PCDH15: variants seen among roughly 807,000 people sequenced by gnomAD.
PCDH15 encodes protocadherin related 15.
PCDH15 carries 129 observed loss-of-function variants against 178.5 expected under a neutral mutation model. The observed-to-expected ratio is 0.72, with a 90% CI of 0.63 to 0.84. The LOEUF (loss-of-function observed/expected upper bound fraction) is 0.84. Ranked by LOEUF, PCDH15 falls within the 40% of genes least tolerant of loss-of-function variation. The probability of loss-of-function intolerance (pLI) is 0.00; values close to 1 mark genes in which losing one functional copy is unlikely to be tolerated. For missense variants in PCDH15, 2,230 were observed against 2,099.9 expected (o/e 1.06, Z -1.21); for synonymous variants, 800 against 732.0 (o/e 1.09, Z -1.50).
At chr10:54,120,849 T>G (rs1590609872) in intron 15 of PCDH15, among the ~76,000 whole-genome samples, 1 of 151,890 alleles carries the variant, frequency 6.6e-6, no homozygotes, top group African/African-American at 2.4e-5. Flanking sequence ...GTGAGGGAGA[T>G]CAAGACCCCA....
intron 2 of PCDH15, among the ~76,000 whole-genome samples, chr10:55,098,515 T>G (rs1018398372): frequency 6.6e-6 from 1 of 152,086 alleles, no homozygotes; most frequent in Non-Finnish European, 1.5e-5. Flanking sequence ...TCAGCAGTTG[T>G]GCCAATAGGA....
chr10:55,185,894 A>G (rs1034819867), intron 1 of PCDH15, among the ~76,000 whole-genome samples: 3 of 151,818 alleles, frequency 2.0e-5, no homozygotes, highest in African/African-American at 7.2e-5. Context: ...TATACATTTG[A>G]ATATTTACAT....
At chr10:54,429,921 A>T (rs911575811) in intron 3 of PCDH15, among the ~76,000 whole-genome samples, 3 of 152,168 alleles carry the variant, frequency 2.0e-5, no homozygotes, top group Non-Finnish European at 4.4e-5. Flanking sequence ...TCTGCATTGG[A>T]CAGATCTAAG....
chr10:55,431,316 T>C (rs1291475188), intron 2 of PCDH15, among the ~76,000 whole-genome samples: 1 of 152,168 alleles, frequency 6.6e-6, no homozygotes, highest in African/African-American at 2.4e-5. Flanking sequence ...TTTTAATGTA[T>C]GGAATTGCAA....
chr10:54,942,129 C>G (rs191522576), intron 2 of PCDH15, among the ~76,000 whole-genome samples: 43 of 152,200 alleles, frequency 2.8e-4, no homozygotes, highest in African/African-American at 9.1e-4. Context: ...TGACTGTGCT[C>G]TTCGGTCTAC....
intron 3 of PCDH15, among the ~76,000 whole-genome samples, chr10:54,845,212 C>T (rs1953487710): frequency 6.6e-6 from 1 of 151,336 alleles, no homozygotes; most frequent in South Asian, 2.1e-4. Context: ...TGATGTTTAA[C>T]TCATTATGGC....
At chr10:53,841,379 GT>G (rs1265201478) in intron 28 of PCDH15, among the ~76,000 whole-genome samples, 1 of 152,016 alleles carries the variant, frequency 6.6e-6, no homozygotes, top group African/African-American at 2.4e-5. Context: ...ATATTTTGAG[GT>G]TTTTTTAGGG....
intron 2 of PCDH15, among the ~76,000 whole-genome samples, chr10:55,396,747 T>C (rs1177604100): frequency 6.6e-6 from 1 of 152,190 alleles, no homozygotes; most frequent in Non-Finnish European, 1.5e-5. Context: ...CAAAGATTTA[T>C]TTACCCAAAG....
chr10:55,353,687 A>T (rs1210558343), intron 2 of PCDH15, among the ~76,000 whole-genome samples: 1 of 151,980 alleles, frequency 6.6e-6, no homozygotes, highest in Non-Finnish European at 1.5e-5. Flanking sequence ...AACCTGACTG[A>T]GTCTTGTTTC....
intron 1 of PCDH15, among the ~76,000 whole-genome samples, chr10:54,770,058 G>A (rs1948922008): frequency 6.6e-6 from 1 of 152,004 alleles, no homozygotes; most frequent in African/African-American, 2.4e-5. Context: ...CGGCTTAATA[G>A]CAACATGAGC....
At chr10:54,444,390 C>T (rs1026348281) in intron 3 of PCDH15, among the ~76,000 whole-genome samples, 3 of 151,724 alleles carry the variant, frequency 2.0e-5, no homozygotes, top group East Asian at 3.9e-4. Flanking sequence ...TAGACACACT[C>T]ACGGATGATT....
At chr10:54,764,510 C>A (rs1337281991) in intron 1 of PCDH15, among the ~76,000 whole-genome samples, 5 of 151,882 alleles carry the variant, frequency 3.3e-5, no homozygotes, top group African/African-American at 9.7e-5. Context: ...GATGTATTAC[C>A]AAATTTTTAT....
At chr10:54,165,052 T>G (rs575966896) in intron 13 of PCDH15, among the ~76,000 whole-genome samples, 1 of 152,352 alleles carries the variant, frequency 6.6e-6, no homozygotes, top group African/African-American at 2.4e-5. Context: ...TTATGTTTGT[T>G]GATTTCTTCA....
At chr10:54,108,051 G>A (rs2094948726) in intron 15 of PCDH15, among the ~76,000 whole-genome samples, 1 of 152,150 alleles carries the variant, frequency 6.6e-6, no homozygotes, top group South Asian at 2.1e-4. Context: ...GTCTGCATGG[G>A]AAGGGTGTCA....
At chr10:55,001,408 A>T (rs1388170476) in intron 2 of PCDH15, among the ~76,000 whole-genome samples, 1 of 152,130 alleles carries the variant, frequency 6.6e-6, no homozygotes, top group Non-Finnish European at 1.5e-5. Context: ...GGGTGATGAG[A>T]AGGAGCAAAC....
chr10:54,041,304 T>C (rs2093538377), intron 18 of PCDH15, among the ~76,000 whole-genome samples: 1 of 152,076 alleles, frequency 6.6e-6, no homozygotes. Context: ...ACAAAATAAT[T>C]ATGCTATAAG....
intron 3 of PCDH15, among the ~76,000 whole-genome samples, chr10:54,823,931 A>G (rs552167634): frequency 1.3e-5 from 2 of 152,306 alleles, no homozygotes; most frequent in East Asian, 3.9e-4. Flanking sequence ...TCCCAAGGTT[A>G]TAACAGAAAA....
chr10:55,089,371 A>G (rs1418342895), intron 2 of PCDH15, among the ~76,000 whole-genome samples: 1 of 150,004 alleles, frequency 6.7e-6, no homozygotes, highest in Admixed American at 6.6e-5. Context: ...GTACTCTTAC[A>G]GATAAAATCG....
At chr10:53,951,761 A>G (rs368150277) in intron 23 of PCDH15, among the ~76,000 whole-genome samples, 13 of 151,996 alleles carry the variant, frequency 8.6e-5, no homozygotes, top group African/African-American at 2.4e-4. Flanking sequence ...TGTTTCACCC[A>G]CTCAGCCTGG....
Sources: gnomAD v4.1 joint callset for allele counts (sites outside exome capture counted in the v4.1 genomes callset) on GRCh38, gnomAD v4.1.1 for gene constraint, MANE v1.5 for transcripts, NCBI Gene and HGNC (gene_info 2026-07-23, HGNC 2026-07-21) for gene names.